BEND5: variants seen among roughly 807,000 people sequenced by gnomAD.
BEND5 encodes BEN domain containing 5, also known as BEN domain-containing protein 5.
A neutral mutation model predicts 43.9 loss-of-function variants in BEND5; 22 were observed. The ratio of observed to expected loss-of-function variants is 0.50; its 90% CI spans 0.36 to 0.72. BEND5 has a LOEUF of 0.72. BEND5 is among the 30% of genes least tolerant of loss of function. The pLI, the probability that BEND5 is intolerant of heterozygous loss-of-function variation, is 0.00. For missense variants in BEND5, 428 were observed against 550.6 expected (o/e 0.78, Z 2.23); for synonymous variants, 228 against 225.9 (o/e 1.01, Z -0.08).
At chr1:48,746,654 C>T (rs1009391772) in intron 3 of BEND5, among the ~76,000 whole-genome samples, 1 of 152,210 alleles carries the variant, frequency 6.6e-6, no homozygotes, top group Non-Finnish European at 1.5e-5. Flanking sequence ...ACCAAAGGTA[C>T]ATCTTAAAAG....
chr1:48,774,951 A>G (rs1301854499), intron 1 of BEND5, among the ~76,000 whole-genome samples: 1 of 152,136 alleles, frequency 6.6e-6, no homozygotes, highest in Non-Finnish European at 1.5e-5. Flanking sequence ...GTACAATACA[A>G]TCGTCAAGAA....
chr1:48,761,400 A>G lies in BEND5; in HGVS notation c.297T>C (p.His99=). 6.4e-7 allele frequency: 1 copy of G among 1,551,598 alleles called. No homozygotes were observed. The highest frequency in any genetic ancestry group is 8.7e-7 in the Non-Finnish European group (1 of 1,146,798). Residue 99 remains histidine, a synonymous_variant, in exon 2 of 6, where the codon CAT becomes CAC. Coordinates refer to ENST00000371833, the MANE Select transcript of BEND5 (RefSeq NM_024603.4). ...CTTTAACCTCTCCATCTTCTTCTAC[A>G]TGATTAAGAGAAAGCTTGGGGATTT... The part of the protein sequence containing the change: ...KIKIPKLSLN[H]VEEDGEVKDY...
chr1:48,737,653 C>T (rs1310887944), intron 4 of BEND5, among the ~76,000 whole-genome samples: 2 of 152,140 alleles, frequency 1.3e-5, no homozygotes, highest in Non-Finnish European at 2.9e-5. Flanking sequence ...CAGTGCAGAG[C>T]CAATAAGACC....
chr1:48,760,567 G>A (rs902330159), intron 2 of BEND5, among the ~76,000 whole-genome samples: 1 of 152,166 alleles, frequency 6.6e-6, no homozygotes, highest in African/African-American at 2.4e-5. Context: ...GAGACCCCTG[G>A]AGGCAAGGAC....
At chr1:48,770,495 C>T (rs1036283474) in intron 1 of BEND5, among the ~76,000 whole-genome samples, 3 of 152,090 alleles carry the variant, frequency 2.0e-5, no homozygotes, top group South Asian at 2.1e-4. Flanking sequence ...CTTTAAAAGC[C>T]GATGTTCTGC....
intron 3 of BEND5, among the ~76,000 whole-genome samples, chr1:48,758,042 C>T (rs937057697): frequency 6.6e-6 from 1 of 152,208 alleles, no homozygotes; most frequent in South Asian, 2.1e-4. Flanking sequence ...AAAGCTGCTG[C>T]CTTTCAGGTT....
chr1:48,748,830 G>A (rs1352546726), intron 3 of BEND5, among the ~76,000 whole-genome samples: 1 of 152,076 alleles, frequency 6.6e-6, no homozygotes, highest in Non-Finnish European at 1.5e-5. Context: ...GTGAGGCCGG[G>A]GTTCTTCAGG....
intron 1 of BEND5, among the ~76,000 whole-genome samples, chr1:48,773,030 TG>T (rs2148699414): frequency 6.6e-6 from 1 of 152,222 alleles, no homozygotes; most frequent in African/African-American, 2.4e-5. Flanking sequence ...CTGCCACCCC[TG>T]GGTCGTGCTG....
chr1:48,727,766 CCCGATGGATCCCTGCACACACACCA>C lies in BEND5; in HGVS notation c.*95_*119del. 1.1e-6 allele frequency: 1 copy of C among 949,218 alleles called. No homozygotes were observed. The highest frequency in any genetic ancestry group is 1.6e-6 in the Non-Finnish European group (1 of 640,048). 58.8% of individuals were successfully genotyped at this position (949,218 alleles called of 1,614,324 possible). On this transcript the variant is annotated 3_prime_UTR_variant, in exon 6 of 6. Coordinates refer to ENST00000371833, the MANE Select transcript of BEND5 (RefSeq NM_024603.4). ...TCAGAACAAGCCGCTGACCCCAGAA[CCCGATGGATCCCTGCACACACACCA>C]CCATGCACGGTGGGGTCTGATTTGG...
intron 3 of BEND5, among the ~76,000 whole-genome samples, chr1:48,755,210 G>C (rs527709589): frequency 6.6e-6 from 1 of 152,302 alleles, no homozygotes; most frequent in South Asian, 2.1e-4. Context: ...CCTGGCTGCT[G>C]ACGGACCTGC....
intron 3 of BEND5, 70 bp downstream of exon 3, chr1:48,758,830 T>C: frequency 7.3e-7 from 1 of 1,375,920 alleles, no homozygotes; most frequent in Non-Finnish European, 9.7e-7. Flanking sequence ...CCCCTTTCCC[T>C]TCCTGGAAGA....
In BEND5 at chr1:48,758,981, C is replaced by T. The variant is rs1644104829; in HGVS notation, c.664G>A (p.Gly222Arg). The T allele has an allele frequency of 1.9e-6, 3 of 1,613,332 alleles. No individual in the cohort carries two copies. Among genetic ancestry groups the T allele is most frequent in the Non-Finnish European group, 2.5e-6 (3 of 1,179,752 alleles). ...TCCTTCATTTCAGACACAAGTGCCC[C>T]GTACTCCTTGAGCTTCTTGGCCTGT... ...VQQAKKLKEYGALVSEMKELR... is the reference protein window; with the variant it reads ...VQQAKKLKEYRALVSEMKELR... The change falls in exon 3 of 6, where the codon GGG (glycine) becomes AGG (arginine). Residue 222 changes from glycine to arginine, a missense_variant. Transcript: ENST00000371833.
At chr1:48,755,189 C>G (rs1652358194) in intron 3 of BEND5, among the ~76,000 whole-genome samples, 1 of 152,162 alleles carries the variant, frequency 6.6e-6, no homozygotes, top group Admixed American at 6.5e-5. Flanking sequence ...CCAAGGTGCG[C>G]CATTACAACT....
At chr1:48,759,419 C>T in intron 2 of BEND5, 135 bp from the exon 3 acceptor site, 3 of 1,375,566 alleles carry the variant, frequency 2.2e-6, no homozygotes, top group Middle Eastern at 2.7e-4. Flanking sequence ...TGTGCAAACA[C>T]TTAGTCAAAG....
rs185487110 is a variant in BEND5, at chr1:48,749,274, G to C, written c.746-6503C>G. Among the ~76,000 whole-genome samples the C allele has an allele frequency of 1.5e-4, 23 of 152,114 alleles. No individual in the cohort carries two copies. The South Asian group carries it at 3.1e-3, about 21-fold the overall frequency. On this transcript the variant is annotated intron_variant, in intron 3 of 5. Transcript: ENST00000371833. ...GTAGCATTTTTCAGCCCACTGTCAC[G>C]TGATTGTTTGTTTAACAGCTCCCTG...
In BEND5 at chr1:48,776,597, C is replaced by G. The variant is rs1419927802; in HGVS notation, c.226+9G>C. The G allele has an allele frequency of 7.0e-6, 10 of 1,426,812 alleles. No individual in the cohort carries two copies. Among genetic ancestry groups the G allele is most frequent in the Non-Finnish European group, 9.1e-6 (10 of 1,096,612 alleles). The allele number at this position is 1,426,812 out of a possible 1,614,324, so 88.4% of individuals were successfully genotyped here. A position where few individuals can be genotyped will look rare whatever the true frequency, so the allele number is the denominator to read the frequency against. ...GGGTCCCACCGTCCCTCCCCGCCCG[C>G]TTGCTCACCTGCCAGCGCCAGGATC... On this transcript the variant is annotated intron_variant, in intron 1 of 5. Transcript: ENST00000371833.
chr1:48,734,800 A>T (rs1648755626), intron 5 of BEND5, among the ~76,000 whole-genome samples: 2 of 152,268 alleles, frequency 1.3e-5, no homozygotes. Flanking sequence ...GCAAGCTCAC[A>T]GTACCTGAAG....
rs533224021 is a variant in BEND5, at chr1:48,736,193, G to A, written c.1108+46C>T. On this transcript the variant is annotated intron_variant, in intron 5 of 5. Coordinates refer to ENST00000371833, the MANE Select transcript of BEND5 (RefSeq NM_024603.4). The surrounding 1 kb of genome is among the most constrained non-coding windows in gnomAD (Gnocchi z 4.0). ...TTGTGCCTAACACATTCTTGACAGA[G>A]TAAAAGACAGAATCCCAGCCATTGT... 1 of 1,562,906 alleles carries A rather than the reference G, an allele frequency of 6.4e-7. No individual in the cohort carries two copies. The highest frequency in any genetic ancestry group is 1.4e-5 in the African/African-American group (1 of 73,806).
chr1:48,751,066 T>G (rs539024630), intron 3 of BEND5, among the ~76,000 whole-genome samples: 2 of 152,318 alleles, frequency 1.3e-5, no homozygotes, highest in South Asian at 4.1e-4. Flanking sequence ...TGATTCCACA[T>G]GGCATAGATA....
Sources: allele counts gnomAD v4.1 joint callset (sites outside exome capture counted in the v4.1 genomes callset), GRCh38; gene constraint gnomAD v4.1.1; non-coding constraint Gnocchi (gnomAD v3.1); transcripts MANE v1.5; gene names NCBI Gene and HGNC (gene_info 2026-07-23, HGNC 2026-07-21).